Variants in CDH11 observed in about 807,000 individuals in gnomAD.
The protein encoded by CDH11 is cadherin-11.
In CDH11, 11 loss-of-function variants were observed where a neutral mutation model predicts 67.8. The observed-to-expected ratio is 0.16, with a 90% CI of 0.10 to 0.27. The LOEUF is 0.27. Among genes scored for constraint, CDH11 ranks in the 10% least tolerant of loss-of-function variants. The pLI is 1.00. For synonymous variants in CDH11, 419 were observed against 400.0 expected, an observed-to-expected ratio of 1.05 and a Z score of -0.57; for missense variants, 847 against 1,031.2, an observed-to-expected ratio of 0.82 and a Z score of 2.45.
intron 1 of CDH11, among the ~76,000 whole-genome samples, chr16:65,081,340 G>A (rs907486882): frequency 6.6e-5 from 10 of 152,114 alleles, no homozygotes; most frequent in South Asian, 2.1e-4. Flanking sequence ...AGGCCAAGGC[G>A]GGCAGATCAC....
chr16:65,112,291 T>C (rs931077861), intron 1 of CDH11, among the ~76,000 whole-genome samples: 3 of 152,010 alleles, frequency 2.0e-5, no homozygotes, highest in Admixed American at 1.3e-4. Flanking sequence ...CACCAGGACA[T>C]GGTAGCAATG....
chr16:64,945,888 T>C lies in CDH11; in HGVS notation c.*1715A>G. On this transcript the variant is annotated 3_prime_UTR_variant, in exon 13 of 13. Coordinates refer to ENST00000268603, the MANE Select transcript of CDH11 (RefSeq NM_001797.4). Reference sequence around the variant, plus strand: ...TGTCTGCAATCCAAGAAAAAGCACGTGCCCTGTGTGTAGGGGGAAAGAGGG... The same window carrying C: ...TGTCTGCAATCCAAGAAAAAGCACGCGCCCTGTGTGTAGGGGGAAAGAGGG... The C allele has an allele frequency of 2.8e-6, 3 of 1,057,280 alleles. No individual in the cohort carries two copies. Among genetic ancestry groups the C allele is most frequent in the Non-Finnish European group, 3.4e-6 (3 of 874,302 alleles). 65.5% of individuals were successfully genotyped at this position (1,057,280 alleles called of 1,614,324 possible).
chr16:65,066,456 C>T (rs1325576702), intron 1 of CDH11, among the ~76,000 whole-genome samples: 1 of 152,190 alleles, frequency 6.6e-6, no homozygotes, highest in East Asian at 1.9e-4. Context: ...GCTCTTTTTA[C>T]AGAGTGTTCA....
intron 2 of CDH11, 133 bp from the exon 3 acceptor site, chr16:65,005,174 G>T: frequency 1.4e-6 from 1 of 733,708 alleles, no homozygotes; most frequent in Non-Finnish European, 1.9e-6. Flanking sequence ...CTCACTGACT[G>T]CTTTGAGCTC....
intron 1 of CDH11, among the ~76,000 whole-genome samples, chr16:65,078,105 T>A (rs2074547183): frequency 6.6e-6 from 1 of 152,224 alleles, no homozygotes; most frequent in Admixed American, 6.5e-5. Context: ...AATAATCGCA[T>A]CCTCTGTTAA....
chr16:65,095,258 C>A (rs761419238), intron 1 of CDH11, among the ~76,000 whole-genome samples: 2 of 152,054 alleles, frequency 1.3e-5, no homozygotes, highest in Non-Finnish European at 2.9e-5. Flanking sequence ...TATCTCTAAT[C>A]TGGGAGATTA....
At chr16:65,045,958 AC>A (rs927644500) in intron 2 of CDH11, among the ~76,000 whole-genome samples, 2 of 152,186 alleles carry the variant, frequency 1.3e-5, no homozygotes, top group African/African-American at 4.8e-5. Flanking sequence ...ATGAATGAAT[AC>A]CAGAAAACAA....
chr16:64,967,691 T>G (rs2071880231), intron 11 of CDH11, among the ~76,000 whole-genome samples: 1 of 150,948 alleles, frequency 6.6e-6, no homozygotes, highest in African/African-American at 2.4e-5. Flanking sequence ...TTGCTTTTCT[T>G]TTTTTTTTAA....
rs1455001332 is a variant in CDH11 at position 64,996,500 on chromosome 16, A to G, written c.523+2062T>C. Among the ~76,000 whole-genome samples, 5 of 151,710 alleles carry G rather than the reference A, an allele frequency of 3.3e-5. No individual in the cohort carries two copies. In the East Asian group the frequency reaches 9.7e-4, roughly 29 times the overall value. The stretch of plus-strand genomic sequence containing the variant: ...GCGAGACTCTGTCTCAGAAAAAAAA[A>G]AAAAAAAGTATTACAATTCAACCCA... On this transcript the variant is annotated intron_variant, in intron 4 of 12. Transcript: ENST00000268603.
intron 2 of CDH11, among the ~76,000 whole-genome samples, chr16:65,014,645 G>C (rs1465132799): frequency 2.6e-5 from 4 of 152,092 alleles, no homozygotes; most frequent in East Asian, 3.9e-4. Context: ...GTTCAGGTGA[G>C]AGGTAATATG....
chr16:65,085,125 G>A (rs531074256), intron 1 of CDH11, among the ~76,000 whole-genome samples: 1 of 152,086 alleles, frequency 6.6e-6, no homozygotes, highest in Admixed American at 6.5e-5. Flanking sequence ...TGGGCAGCGT[G>A]GTCTCGAACT....
intron 11 of CDH11, among the ~76,000 whole-genome samples, chr16:64,964,242 C>T (rs1232534250): frequency 6.6e-6 from 1 of 152,104 alleles, no homozygotes; most frequent in Non-Finnish European, 1.5e-5. Flanking sequence ...TAAACAAACA[C>T]AGATGGTTTA....
chr16:65,045,895 GA>G (rs1295076546), intron 2 of CDH11, among the ~76,000 whole-genome samples: 1 of 152,092 alleles, frequency 6.6e-6, no homozygotes, highest in Admixed American at 6.5e-5. Context: ...TCTTGGCCCA[GA>G]GCATAAAATA....
chr16:65,118,866 T>C (rs922605894), intron 1 of CDH11: 1 of 152,236 alleles, frequency 6.6e-6, no homozygotes, highest in Non-Finnish European at 1.5e-5. Flanking sequence ...GAAATTGTTA[T>C]GTTTCTCCAA....
chr16:65,006,034 G>A (rs2073045423), intron 2 of CDH11, among the ~76,000 whole-genome samples: 2 of 152,068 alleles, frequency 1.3e-5, no homozygotes, highest in African/African-American at 4.8e-5. Context: ...TCTGCCTTGG[G>A]TTCTGGACTT....
chr16:65,097,136 A>T (rs574804220), intron 1 of CDH11, among the ~76,000 whole-genome samples: 1 of 152,220 alleles, frequency 6.6e-6, no homozygotes, highest in South Asian at 2.1e-4. Context: ...AGACAAACAC[A>T]CACAAACTCA....
chr16:64,949,485 G>A (rs1432857360), intron 12 of CDH11, among the ~76,000 whole-genome samples: 2 of 148,318 alleles, frequency 1.3e-5, no homozygotes, highest in Non-Finnish European at 3.0e-5. Context: ...GAAGTGCAAC[G>A]GCGCCATCTT....
chr16:64,998,668 C>T lies in CDH11; in HGVS notation c.417G>A (p.Leu139=). ...TGACAATGAATTCCGACGGTGGCTCCAGTGGCCGATTGGTGTCCCTGTCCA... is the reference window on the plus strand; with the variant it reads ...TGACAATGAATTCCGACGGTGGCTCTAGTGGCCGATTGGTGTCCCTGTCCA... ...QAVDRDTNRP[L]EPPSEFIVKV... Residue 139 remains leucine, a synonymous_variant, in exon 4 of 13, where the codon CTG becomes CTA. Coordinates refer to ENST00000268603, the MANE Select transcript of CDH11 (RefSeq NM_001797.4). 6.2e-7 allele frequency: 1 copy of T among 1,614,122 alleles called. No homozygotes were observed.
chr16:65,095,353 G>A (rs969745881), intron 1 of CDH11, among the ~76,000 whole-genome samples: 1 of 152,058 alleles, frequency 6.6e-6, no homozygotes, highest in Non-Finnish European at 1.5e-5. Context: ...TAACACTTGC[G>A]GCTTTTGATA....
Sources: gnomAD v4.1 joint callset for allele counts (sites outside exome capture counted in the v4.1 genomes callset) on GRCh38, gnomAD v4.1.1 for gene constraint, MANE v1.5 for transcripts, NCBI Gene and HGNC (gene_info 2026-07-23, HGNC 2026-07-21) for gene names.